The following VRK2 variants were observed in gnomAD, a reference collection of about 807,000 sequenced individuals.
The protein encoded by VRK2 is serine/threonine-protein kinase VRK2.
VRK2 carries 60 observed loss-of-function variants against 57.6 expected under a neutral mutation model. The observed-to-expected ratio is 1.04, with a 90% CI of 0.85 to 1.29. The LOEUF (loss-of-function observed/expected upper bound fraction) is 1.29. Among genes scored for constraint, VRK2 ranks in the 50% most tolerant of loss-of-function variants. The pLI, the probability that VRK2 is intolerant of heterozygous loss-of-function variation, is 0.00. For synonymous variants in VRK2, 231 were observed against 199.2 expected, an observed-to-expected ratio of 1.16 and a Z score of -1.35; for missense variants, 705 against 588.1, an observed-to-expected ratio of 1.20 and a Z score of -2.06.
At chr2:58,006,863 G>T (rs1673262720) in intron 1 of VRK2, among the ~76,000 whole-genome samples, 1 of 152,074 alleles carries the variant, frequency 6.6e-6, no homozygotes. Flanking sequence ...GTGAACAGAA[G>T]TCTAATTTGA....
At chr2:57,955,307 A>G (rs2103985739) in intron 1 of VRK2, among the ~76,000 whole-genome samples, 1 of 152,310 alleles carries the variant, frequency 6.6e-6, no homozygotes, top group East Asian at 1.9e-4. Context: ...GAATATAAAG[A>G]TGTGGCAAAT....
rs1297089311 is a variant in VRK2, at chr2:58,159,399, T to A, written c.1233T>A (p.Asn411Lys). Residue 411 changes from asparagine (N) to lysine (K), a missense_variant, in exon 13 of 13, where the codon AAT (asparagine) becomes AAA (lysine). Transcript: ENST00000340157. ...ATCAAGAGTCTCAAGAACCTTTGAA[T>A]GAAGTAAACAGTTTCCCACAAAAAA... ...QKYQESQEPL[N>K]EVNSFPQKIS... 2 of 1,613,214 alleles carry A rather than the reference T, an allele frequency of 1.2e-6. No individual in the cohort carries two copies. The highest frequency in any genetic ancestry group is 1.7e-5 in the Admixed American group (1 of 59,876).
chr2:58,043,135 T>C (rs1674529394), upstream of VRK2, among the ~76,000 whole-genome samples: 2 of 152,170 alleles, frequency 1.3e-5, no homozygotes, highest in Admixed American at 6.5e-5. Context: ...ATTTTACTGT[T>C]AGGAAGATTT....
At chr2:58,137,454 C>T (rs1680711499) in intron 10 of VRK2, among the ~76,000 whole-genome samples, 1 of 151,392 alleles carries the variant, frequency 6.6e-6, no homozygotes, top group Admixed American at 6.6e-5. Flanking sequence ...GAGACAAGCC[C>T]AGTTTTTGTT....
At chr2:58,145,350 A>G (rs1427821374) in intron 11 of VRK2, among the ~76,000 whole-genome samples, 1 of 151,948 alleles carries the variant, frequency 6.6e-6, no homozygotes, top group Non-Finnish European at 1.5e-5. Context: ...ATCTTGCTCA[A>G]AGGTTAAACT....
At chr2:57,914,480 A>G (rs1670085896) in intron 1 of VRK2, among the ~76,000 whole-genome samples, 1 of 152,066 alleles carries the variant, frequency 6.6e-6, no homozygotes, top group South Asian at 2.1e-4. Flanking sequence ...GGCCTGAAAT[A>G]TTACATTATA....
chr2:57,988,344 G>C (rs546924145), intron 1 of VRK2, among the ~76,000 whole-genome samples: 18 of 152,178 alleles, frequency 1.2e-4, no homozygotes, highest in African/African-American at 3.6e-4. Flanking sequence ...CTATGTTGTG[G>C]TTTACCAGCA....
rs1032277227 is a variant in VRK2 at position 58,046,832 on chromosome 2, G to A, written c.-42G>A. 1.9e-5 allele frequency: 19 copies of A among 985,512 alleles called. No homozygotes were observed. In the African/African-American group the frequency reaches 2.4e-4, roughly 13 times the overall value. 61.0% of individuals were successfully genotyped at this position (985,512 alleles called of 1,614,324 possible). A position where few individuals can be genotyped will look rare whatever the true frequency, so the allele number is the denominator to read the frequency against. ...TCGTCGCAGCGGCAGGTAGGAGGCGGTGCGCGCGGCCCGGCGACGGGGGAT... is the reference window on the plus strand; with the variant it reads ...TCGTCGCAGCGGCAGGTAGGAGGCGATGCGCGCGGCCCGGCGACGGGGGAT... On this transcript the variant is annotated 5_prime_UTR_variant, in exon 1 of 13. In the 5' UTR this introduces an upstream ATG that the reference lacks. Coordinates refer to ENST00000340157, the MANE Select transcript of VRK2 (RefSeq NM_006296.7).
Position 58,159,637 on chromosome 2 carries a change from C to G in VRK2, c.1471C>G (p.Arg491Gly), listed in dbSNP as rs781556579. The G allele has an allele frequency of 1.9e-6, 3 of 1,613,722 alleles. No individual in the cohort carries two copies. The highest frequency in any genetic ancestry group is 2.5e-6 in the Non-Finnish European group (3 of 1,179,770). Residue 491 changes from arginine to glycine, a missense_variant, in exon 13 of 13, where the codon CGC becomes GGC. By Grantham distance (125) the Arg-to-Gly change is moderately radical (BLOSUM62 -2). Coordinates refer to ENST00000340157, the MANE Select transcript of VRK2 (RefSeq NM_006296.7). ...EETNADVYYY[R>G]IIIPVLLMLV... is the part of the protein sequence containing the mutation. ...GACAAACGCAGATGTTTATTATTAT[C>G]GCATCATCATACCTGTCCTTTTGAT...
At position 58,117,367 on chromosome 2, in the gene VRK2, G is replaced by T. The variant is rs559384880; in HGVS notation, c.544-5734G>T. Among the ~76,000 whole-genome samples, 148 of 152,244 alleles carry T rather than the reference G, an allele frequency of 9.7e-4. 1 individual carries two copies. The highest frequency in any genetic ancestry group is 2.1e-3 in the East Asian group (11 of 5,180). ...TAGTCACAGAAGGAAACTGTAAGCC[G>T]GACCAGGTGTGAGGAGGGGAGGCGA... On this transcript the variant is annotated intron_variant, in intron 7 of 12. Coordinates refer to ENST00000340157, the MANE Select transcript of VRK2 (RefSeq NM_006296.7).
chr2:58,052,823 T>C (rs2103815665), intron 2 of VRK2, among the ~76,000 whole-genome samples: 1 of 152,328 alleles, frequency 6.6e-6, no homozygotes. Flanking sequence ...AAAGTTCTCA[T>C]ATAAGCTGTA....
At chr2:57,978,961 G>A (rs958557184) in intron 1 of VRK2, among the ~76,000 whole-genome samples, 1 of 150,676 alleles carries the variant, frequency 6.6e-6, no homozygotes, top group African/African-American at 2.5e-5. Flanking sequence ...TTTCATCTAT[G>A]TCCCTGCAAA....
At chr2:58,020,245 C>G (rs987612720) in intron 1 of VRK2, among the ~76,000 whole-genome samples, 1 of 152,226 alleles carries the variant, frequency 6.6e-6, no homozygotes, top group Non-Finnish European at 1.5e-5. Flanking sequence ...GAGTCTTGCT[C>G]TGTTGTCCCG....
intron 12 of VRK2, among the ~76,000 whole-genome samples, chr2:58,158,262 T>TGACA (rs1446637679): frequency 3.3e-5 from 5 of 152,216 alleles, no homozygotes; most frequent in African/African-American, 1.2e-4. Flanking sequence ...TTAATAAAGC[T>TGACA]GACAAACTTA....
intron 2 of VRK2, among the ~76,000 whole-genome samples, chr2:58,066,128 T>A (rs1256261902): frequency 6.6e-6 from 1 of 152,200 alleles, no homozygotes; most frequent in African/African-American, 2.4e-5. Context: ...TGGCTAGGAC[T>A]TACAGTGATT....
At chr2:58,075,254 G>T (rs375019727) in intron 2 of VRK2, among the ~76,000 whole-genome samples, 2 of 151,972 alleles carry the variant, frequency 1.3e-5, no homozygotes, top group African/African-American at 4.8e-5. Context: ...GTAGTATTCC[G>T]TAGTGTATAT....
At chr2:58,080,542 A>G (rs1029598719) in intron 2 of VRK2, among the ~76,000 whole-genome samples, 1 of 151,838 alleles carries the variant, frequency 6.6e-6, no homozygotes, top group Admixed American at 6.6e-5. Context: ...TTACATTTTT[A>G]GATGATTTCA....
intron 12 of VRK2, among the ~76,000 whole-genome samples, chr2:58,154,122 T>C (rs930288299): frequency 6.6e-6 from 1 of 152,114 alleles, no homozygotes; most frequent in Non-Finnish European, 1.5e-5. Context: ...ATCCCTTAAA[T>C]GCCTGTGGGG....
chr2:58,031,554 C>T (rs12478718), intron 2 of VRK2, among the ~76,000 whole-genome samples: 1 of 151,932 alleles, frequency 6.6e-6, no homozygotes, highest in Non-Finnish European at 1.5e-5. Context: ...ATGATATTTA[C>T]AATGATTATG....
Sources: allele counts gnomAD v4.1 joint callset (sites outside exome capture counted in the v4.1 genomes callset), GRCh38; gene constraint gnomAD v4.1.1; transcripts MANE v1.5; gene names NCBI Gene and HGNC (gene_info 2026-07-23, HGNC 2026-07-21).